Variants in MOCOS observed in about 807,000 individuals in gnomAD.
The protein encoded by MOCOS is human molybdenum cofactor sulfurase.
In MOCOS, 86 loss-of-function variants were observed where a neutral mutation model predicts 83.6. The observed-to-expected ratio is 1.03, with a 90% CI of 0.86 to 1.23. MOCOS has a LOEUF of 1.23. Ranked by LOEUF, MOCOS falls within the 50% of genes most tolerant of loss-of-function variation. MOCOS has a pLI of 0.00. For synonymous variants in MOCOS, 445 were observed against 434.7 expected, an observed-to-expected ratio of 1.02 and a Z score of -0.29; for missense variants, 1,120 against 1,126.9, an observed-to-expected ratio of 0.99 and a Z score of 0.09.
At chr18:36,198,613 G>T in intron 2 of MOCOS, 77 bp from the exon 3 acceptor site, 2 of 1,396,990 alleles carry the variant, frequency 1.4e-6, no homozygotes, top group South Asian at 2.3e-5. Context: ...GAGAAACTGA[G>T]GGAGTGGATT....
In MOCOS at chr18:36,235,758, G is replaced by T. The variant is rs536313462; in HGVS notation, c.1961-13164G>T. Reference sequence around the variant, plus strand: ...TTACAGTCCCAACAACAGTGTAAAAGTGTTCCTATTTCTCCACATCCTCTC... The same window carrying T: ...TTACAGTCCCAACAACAGTGTAAAATTGTTCCTATTTCTCCACATCCTCTC... On this transcript the variant is annotated intron_variant, in intron 9 of 14. Coordinates refer to ENST00000261326, the MANE Select transcript of MOCOS (RefSeq NM_017947.4). Among the ~76,000 whole-genome samples, 34 of 149,844 alleles carry T rather than the reference G, an allele frequency of 2.3e-4. No individual in the cohort carries two copies. The East Asian group carries it at 6.5e-3, about 29-fold the overall frequency.
chr18:36,261,372 A>C (rs1221971314), intron 13 of MOCOS, among the ~76,000 whole-genome samples: 2 of 136,128 alleles, frequency 1.5e-5, no homozygotes, highest in African/African-American at 5.3e-5. Flanking sequence ...TAAATATTCC[A>C]AAATTAAAAA....
rs941850295 is a variant in MOCOS at position 36,249,630 on chromosome 18, T to C, written c.2039+630T>C. Among the ~76,000 whole-genome samples the C allele has an allele frequency of 3.3e-5, 5 of 151,586 alleles. No individual in the cohort carries two copies. In the South Asian group the frequency reaches 6.3e-4, roughly 19 times the overall value. The stretch of plus-strand genomic sequence containing the variant: ...AGACCAGCTGGTGCCTGTGGAGCAG[T>C]TGGAAGGGGGAAGGGGTGCAAGCAG... On this transcript the variant is annotated intron_variant, in intron 10 of 14. Transcript: ENST00000261326.
chr18:36,198,703 C>T lies in MOCOS; in HGVS notation c.246C>T (p.Ser82=). 6.2e-7 allele frequency: 1 copy of T among 1,614,128 alleles called. No homozygotes were observed. Among genetic ancestry groups the T allele is most frequent in the Non-Finnish European group, 8.5e-7 (1 of 1,180,016 alleles). The change falls in exon 3 of 15, where the codon AGC becomes AGT. Residue 82 remains serine, a synonymous_variant. Transcript: ENST00000261326. ...GTAACCTGCCAGGTAATCCTCACAGCCAGAACATCAGCAGCAAGCTCACCC... is the reference window on the plus strand; with the variant it reads ...GTAACCTGCCAGGTAATCCTCACAGTCAGAACATCAGCAGCAAGCTCACCC... The part of the protein sequence containing the change: ...LMENTYGNPH[S]QNISSKLTHD...
rs1244586638 is a variant in MOCOS at position 36,265,969 on chromosome 18, T to C, written c.2410-780T>C. On this transcript the variant is annotated intron_variant, in intron 13 of 14. Transcript: ENST00000261326. The stretch of plus-strand genomic sequence containing the variant: ...ATATGACGTTAATGATGTTAACAAG[T>C]TTTTCCTATTATGAACAATGTGAGG... Among the ~76,000 whole-genome samples, 4 of 152,256 alleles carry C rather than the reference T, an allele frequency of 2.6e-5. No individual in the cohort carries two copies. The South Asian group carries it at 6.2e-4, about 24-fold the overall frequency.
intron 6 of MOCOS, among the ~76,000 whole-genome samples, chr18:36,206,814 T>C (rs759053954): frequency 2.6e-5 from 4 of 152,098 alleles, no homozygotes; most frequent in Non-Finnish European, 2.9e-5. Context: ...AAAGGACTGG[T>C]TTCATTTTTT....
In MOCOS at chr18:36,199,664, G is replaced by T; in HGVS notation, c.300-19G>T. 1 of 1,612,650 alleles carries T rather than the reference G, an allele frequency of 6.2e-7. No homozygotes were observed. Among genetic ancestry groups the T allele is most frequent in the East Asian group, 2.2e-5 (1 of 44,878 alleles). On this transcript the variant is annotated intron_variant, in intron 3 of 14. Coordinates refer to ENST00000261326, the MANE Select transcript of MOCOS (RefSeq NM_017947.4). The stretch of plus-strand genomic sequence containing the variant: ...GGGGCTGAGATCCGCGGGTTGCGGG[G>T]ATGCTGTGCTTCTTCCAGAATCCTG...
rs199558536 is a variant in MOCOS, at chr18:36,256,940, C to CT, written c.2165-26dup. 1.8e-4 allele frequency: 287 copies of CT among 1,574,702 alleles called. 1 individual carries two copies. In the East Asian group the frequency reaches 6.0e-3, roughly 33 times the overall value. ...TCACTGGCATTCTGAGAAAGCAACT[C>CT]TTCTTTTAAATGCTCCATCATTTTC... On this transcript the variant is annotated intron_variant, in intron 11 of 14. Coordinates refer to ENST00000261326, the MANE Select transcript of MOCOS (RefSeq NM_017947.4).
chr18:36,211,007 C>A (rs1031231389), intron 6 of MOCOS, among the ~76,000 whole-genome samples: 3 of 151,894 alleles, frequency 2.0e-5, no homozygotes, highest in African/African-American at 7.3e-5. Flanking sequence ...CAGGGCTAGA[C>A]ACAGGATGAG....
At chr18:36,265,204 C>T (rs1001496140) in intron 13 of MOCOS, among the ~76,000 whole-genome samples, 4 of 152,318 alleles carry the variant, frequency 2.6e-5, no homozygotes, top group East Asian at 3.9e-4. Context: ...GTGATAAACC[C>T]TGTCTAGAAA....
rs375631139 is a variant in MOCOS at position 36,254,106 on chromosome 18, T to C, written c.2164+2823T>C. Among the ~76,000 whole-genome samples, 63 of 152,106 alleles carry C rather than the reference T, an allele frequency of 4.1e-4. No individual in the cohort carries two copies. In the East Asian group the frequency reaches 0.01, roughly 25 times the overall value. Reference sequence around the variant, plus strand: ...CCCTGCACGATGCAGAATCAGGGAGTGTCAGCTTGTGACTGTTTACACTTA... The same window carrying C: ...CCCTGCACGATGCAGAATCAGGGAGCGTCAGCTTGTGACTGTTTACACTTA... On this transcript the variant is annotated intron_variant, in intron 11 of 14. Transcript: ENST00000261326.
intron 7 of MOCOS, among the ~76,000 whole-genome samples, chr18:36,214,440 C>CTGACA (rs1250341239): frequency 2.0e-5 from 3 of 151,940 alleles, no homozygotes; most frequent in Non-Finnish European, 2.9e-5. Context: ...CTAGAGTTAG[C>CTGACA]TGACATCTGG....
chr18:36,208,890 T>C (rs181602960), intron 6 of MOCOS, among the ~76,000 whole-genome samples: 50 of 152,324 alleles, frequency 3.3e-4, no homozygotes, highest in African/African-American at 1.1e-3. Flanking sequence ...GGGAAGGGCT[T>C]GCAGCTTTTG....
Position 36,187,605 on chromosome 18 carries a change from C to T in MOCOS, c.66C>T (p.Ser22=), listed in dbSNP as rs113873219. ...LWTFAGSRDP[S]APRLAYGYGP... ...CCTTCGCGGGTTCCCGGGACCCGAG[C>T]GCACCGCGGCTAGCCTACGGCTACG... The change falls in exon 1 of 15, where the codon AGC becomes AGT. Residue 22 remains serine (S), a synonymous_variant. Coordinates refer to ENST00000261326, the MANE Select transcript of MOCOS (RefSeq NM_017947.4). 9 of 1,248,982 alleles carry T rather than the reference C, an allele frequency of 7.2e-6. No homozygotes were observed. The highest frequency in any genetic ancestry group is 8.0e-6 in the Non-Finnish European group (8 of 996,242). 77.4% of individuals were successfully genotyped at this position (1,248,982 alleles called of 1,614,324 possible). A position where few individuals can be genotyped will look rare whatever the true frequency, so the allele number is the denominator to read the frequency against.
At chr18:36,254,399 AT>A (rs892904875) in intron 11 of MOCOS, among the ~76,000 whole-genome samples, 1 of 151,220 alleles carries the variant, frequency 6.6e-6, no homozygotes, top group African/African-American at 2.4e-5. Flanking sequence ...ATACTGCAGC[AT>A]TTTTTTAAAC....
intron 9 of MOCOS, among the ~76,000 whole-genome samples, chr18:36,222,855 C>A (rs2091501693): frequency 1.3e-5 from 2 of 152,300 alleles, no homozygotes; most frequent in Non-Finnish European, 2.9e-5. Context: ...CTGCCTCGGC[C>A]TCCCAGAGTG....
chr18:36,254,139 C>A (rs1461176594), intron 11 of MOCOS, among the ~76,000 whole-genome samples: 1 of 152,174 alleles, frequency 6.6e-6, no homozygotes, highest in African/African-American at 2.4e-5. Context: ...TTAGAGGACA[C>A]CCCTTAGGGT....
At chr18:36,231,079 T>A (rs1338271972) in intron 9 of MOCOS, among the ~76,000 whole-genome samples, 3 of 152,206 alleles carry the variant, frequency 2.0e-5, no homozygotes, top group Non-Finnish European at 4.4e-5. Flanking sequence ...AGGTTTTTGA[T>A]TGATTTATTT....
chr18:36,187,560 G>A lies in MOCOS; in HGVS notation c.21G>A (p.Glu7=). 1 of 1,242,196 alleles carries A rather than the reference G, an allele frequency of 8.1e-7. No individual in the cohort carries two copies. The highest frequency in any genetic ancestry group is 1.0e-6 in the Non-Finnish European group (1 of 992,972). 76.9% of individuals were successfully genotyped at this position (1,242,196 alleles called of 1,614,324 possible). A position where few individuals can be genotyped will look rare whatever the true frequency, so the allele number is the denominator to read the frequency against. MAGAAA[E]SGRELWTFAG... The stretch of plus-strand genomic sequence containing the variant: ...GGGCCATGGCCGGCGCGGCGGCGGA[G>A]TCAGGGCGGGAGCTGTGGACCTTCG... The change falls in exon 1 of 15, where the codon GAG becomes GAA. Residue 7 remains glutamate (E), a synonymous_variant. Coordinates refer to ENST00000261326, the MANE Select transcript of MOCOS (RefSeq NM_017947.4).
Sources: allele counts gnomAD v4.1 joint callset (sites outside exome capture counted in the v4.1 genomes callset), GRCh38; gene constraint gnomAD v4.1.1; transcripts MANE v1.5; gene names NCBI Gene and HGNC (gene_info 2026-07-23, HGNC 2026-07-21).